ABCC2: variants seen among roughly 807,000 people sequenced by gnomAD.
ABCC2 encodes the protein ATP-binding cassette sub-family C member 2.
In ABCC2, 157 loss-of-function variants were observed where a neutral mutation model predicts 173.4. That is an observed-to-expected ratio of 0.91 (90% confidence interval 0.80 to 1.03). The LOEUF (loss-of-function observed/expected upper bound fraction) is 1.03, where lower values mean the gene tolerates loss of function less well. ABCC2 is among the 50% of genes least tolerant of loss of function. The pLI is 0.00. For missense variants in ABCC2, 1,822 were observed against 1,852.3 expected, an observed-to-expected ratio of 0.98 and a Z score of 0.30; for synonymous variants, 657 against 693.5, an observed-to-expected ratio of 0.95 and a Z score of 0.83.
At chr10:99,815,268 CATGAT>C (rs1299125655) in intron 16 of ABCC2, among the ~76,000 whole-genome samples, 1 of 152,198 alleles carries the variant, frequency 6.6e-6, no homozygotes, top group Non-Finnish European at 1.5e-5. Context: ...CTACAAAGGA[CATGAT>C]CTCGTTCCTT....
intron 30 of ABCC2, among the ~76,000 whole-genome samples, chr10:99,848,878 A>G (rs1437335518): frequency 6.6e-6 from 1 of 152,322 alleles, no homozygotes; most frequent in Non-Finnish European, 1.5e-5. Flanking sequence ...GCAGGACTCA[A>G]GTAGGTCTTT....
At chr10:99,842,139 T>C in intron 26 of ABCC2, 46 bp downstream of exon 26, 1 of 1,612,954 alleles carries the variant, frequency 6.2e-7, no homozygotes, top group Non-Finnish European at 8.5e-7. Context: ...GTGCTTATTC[T>C]TAAATTAAGC....
chr10:99,814,429 ATG>A lies in ABCC2; in HGVS notation c.2094+1289_2094+1290del, dbSNP rs1378894332. On this transcript the variant is annotated intron_variant, in intron 16 of 31. Coordinates refer to ENST00000647814, the MANE Select transcript of ABCC2 (RefSeq NM_000392.5). ...CACACGTGTATATATGTGTGCATATATGTGTATACACACATATGTGTGTATAT... is the reference window on the plus strand; with the variant it reads ...CACACGTGTATATATGTGTGCATATATGTATACACACATATGTGTGTATAT... Among the ~76,000 whole-genome samples the A allele has an allele frequency of 1.9e-3, 259 of 134,232 alleles. 38 individuals are homozygous for A. Among genetic ancestry groups the A allele is most frequent in the African/African-American group, 6.5e-3 (229 of 35,094 alleles). The allele number at this position is 134,232 out of a possible 152,430, so 88.1% of individuals were successfully genotyped here.
At chr10:99,827,591 A>G (rs939625938) in intron 19 of ABCC2, among the ~76,000 whole-genome samples, 1 of 151,958 alleles carries the variant, frequency 6.6e-6, no homozygotes, top group Non-Finnish European at 1.5e-5. Context: ...GTGGAATGAT[A>G]TTACCCTTCC....
At chr10:99,846,345 G>C (rs1033549026) in intron 29 of ABCC2, among the ~76,000 whole-genome samples, 1 of 152,204 alleles carries the variant, frequency 6.6e-6, no homozygotes, top group African/African-American at 2.4e-5. Flanking sequence ...AGTTCCTCTG[G>C]GGGTAGTTTT....
chr10:99,805,361 C>G, intron 10 of ABCC2, 21 bp from the exon 11 acceptor site: 1 of 1,609,276 alleles, frequency 6.2e-7, no homozygotes, highest in Non-Finnish European at 8.5e-7. Context: ...TATTGTTTTT[C>G]TTTTGCTTTT....
intron 1 of ABCC2, among the ~76,000 whole-genome samples, chr10:99,783,199 CT>C (rs1158338277): frequency 6.6e-6 from 1 of 152,142 alleles, no homozygotes; most frequent in Non-Finnish European, 1.5e-5. Context: ...TTGTTGCATA[CT>C]TTGCTAGTAG....
chr10:99,800,386 A>G lies in ABCC2; in HGVS notation c.1032A>G (p.Lys344=), dbSNP rs2037993024. ...AACTAACTTGGCTTTTCTCTGGCAG[A>G]TTGCTGATCTCCTTTGCAAGTGACC... ...IFTFVSPQLL[K]LLISFASDRD... is the part of the protein sequence containing the mutation. The change falls in exon 9 of 32, where the codon AAA becomes AAG. Residue 344 remains lysine, a splice_region_variant and synonymous_variant. Coordinates refer to ENST00000647814, the MANE Select transcript of ABCC2 (RefSeq NM_000392.5). 1 of 1,614,150 alleles carries G rather than the reference A, an allele frequency of 6.2e-7. No individual in the cohort carries two copies.
At chr10:99,791,745 TA>T (rs2037814583) in intron 2 of ABCC2, among the ~76,000 whole-genome samples, 1 of 152,230 alleles carries the variant, frequency 6.6e-6, no homozygotes, top group Non-Finnish European at 1.5e-5. Context: ...CTCAGTTCCT[TA>T]CCAAGTGGAC....
At chr10:99,806,608 T>C (rs1194631778) in intron 11 of ABCC2, among the ~76,000 whole-genome samples, 1 of 152,252 alleles carries the variant, frequency 6.6e-6, no homozygotes, top group African/African-American at 2.4e-5. Context: ...TAAATTCTGT[T>C]ATTCCCTTGA....
chr10:99,789,886 G>A (rs1184558828), intron 2 of ABCC2, among the ~76,000 whole-genome samples: 2 of 152,134 alleles, frequency 1.3e-5, no homozygotes, highest in Non-Finnish European at 2.9e-5. Flanking sequence ...AAGCCAGGAT[G>A]AAGTCAGTCC....
intron 16 of ABCC2, 102 bp from the exon 17 acceptor site, chr10:99,817,206 A>C (rs1475053913): frequency 1.9e-6 from 2 of 1,066,834 alleles, no homozygotes; most frequent in Non-Finnish European, 1.4e-6. Flanking sequence ...AGTTATTTAA[A>C]TTTAAGCTCC....
intron 22 of ABCC2, 54 bp downstream of exon 22, chr10:99,831,884 C>T (rs2038746491): frequency 1.9e-6 from 3 of 1,612,988 alleles, no homozygotes; most frequent in East Asian, 2.2e-5. Context: ...CTGTACTTTT[C>T]CTGGACTCAG....
rs759374777 is a variant in ABCC2, at chr10:99,836,151, A to G, written c.3475A>G (p.Ile1159Val). ...RRLDSVTRSP[I>V]YSHFSETVSG... ...TCTGGACTCTGTCACCAGGTCCCCA[A>G]TCTACTCTCACTTCAGCGAGACCGT... The change falls in exon 25 of 32, where the codon ATC becomes GTC. Residue 1159 changes from isoleucine (I) to valine (V), a missense_variant. Transcript: ENST00000647814. The G allele has an allele frequency of 2.2e-5, 36 of 1,614,018 alleles. No homozygotes were observed. The African/African-American group carries it at 2.3e-4, about 10-fold the overall frequency.
chr10:99,851,445 T>C (rs2039086684), intron 31 of ABCC2, 57 bp from the exon 32 acceptor site: 1 of 1,606,454 alleles, frequency 6.2e-7, no homozygotes, highest in East Asian at 2.2e-5. Flanking sequence ...TTCTTATAAA[T>C]GCCTAGACTT....
In ABCC2 at chr10:99,782,728, G is replaced by T. The variant is rs775858892; in HGVS notation, c.-117G>T. 2.5e-6 allele frequency: 3 copies of T among 1,202,120 alleles called. No homozygotes were observed. The highest frequency in any genetic ancestry group is 3.7e-6 in the Non-Finnish European group (3 of 816,082). The allele number at this position is 1,202,120 out of a possible 1,614,324, so 74.5% of individuals were successfully genotyped here. ...TTGGGATGAAAGGTCATCCTTTACG[G>T]AGAACATCAGAATGGTAGATAATTC... On this transcript the variant is annotated 5_prime_UTR_variant, in exon 1 of 32. Transcript: ENST00000647814.
intron 20 of ABCC2, 73 bp from the exon 21 acceptor site, chr10:99,830,643 G>T: frequency 6.2e-7 from 1 of 1,608,118 alleles, no homozygotes; most frequent in Non-Finnish European, 8.5e-7. Flanking sequence ...TGCCAGCTGA[G>T]TGACTGTGAC....
chr10:99,845,518 A>C, intron 28 of ABCC2, 106 bp from the exon 29 acceptor site: 1 of 1,378,792 alleles, frequency 7.3e-7, no homozygotes, highest in Non-Finnish European at 1.0e-6. Flanking sequence ...GAGATGGAGT[A>C]GCCAGTCACT....
intron 25 of ABCC2, among the ~76,000 whole-genome samples, chr10:99,837,362 C>T (rs2038843672): frequency 1.7e-5 from 1 of 57,294 alleles, no homozygotes; most frequent in Non-Finnish European, 3.5e-5. Flanking sequence ...GTCTTGAACT[C>T]CTGATCTCAG....
Sources: allele counts gnomAD v4.1 joint callset (sites outside exome capture counted in the v4.1 genomes callset), GRCh38; gene constraint gnomAD v4.1.1; transcripts MANE v1.5; gene names NCBI Gene and HGNC (gene_info 2026-07-23, HGNC 2026-07-21).